The following PCDHA1 variants were observed in gnomAD, a reference collection of about 807,000 sequenced individuals.
The protein encoded by PCDHA1 is protocadherin alpha 1.
In PCDHA1, 42 loss-of-function variants were observed where a neutral mutation model predicts 61.3. The observed-to-expected ratio is 0.69, with a 90% CI of 0.54 to 0.89. PCDHA1 has a LOEUF of 0.89. PCDHA1 is among the 40% of genes least tolerant of loss of function. The pLI is 0.00. For synonymous variants in PCDHA1, 610 were observed against 553.8 expected, an observed-to-expected ratio of 1.10 and a Z score of -1.43; for missense variants, 1,256 against 1,235.3, an observed-to-expected ratio of 1.02 and a Z score of -0.25.
rs868938402 is a variant in PCDHA1, at chr5:140,806,035, G to A, written c.2394+17351G>A. Among the ~76,000 whole-genome samples the A allele has an allele frequency of 7.9e-5, 12 of 152,220 alleles. No individual in the cohort carries two copies. In the South Asian group the frequency reaches 2.5e-3, roughly 32 times the overall value. On this transcript the variant is annotated intron_variant, in intron 1 of 3. Transcript: ENST00000504120. ...AAATGCTTATAAGAGATAAATTAATGTAATAAATGGCCCACGCGATTCCAC... is the reference window on the plus strand; with the variant it reads ...AAATGCTTATAAGAGATAAATTAATATAATAAATGGCCCACGCGATTCCAC...
At position 140,870,837 on chromosome 5, in the gene PCDHA1, G is replaced by T. The variant is rs782610375; in HGVS notation, c.2394+82153G>T. ...GCAGCGCGGGAGGCGCAGTTAACAA[G>T]CTAGTACCGCGGTCGGTGGGTGCGG... On this transcript the variant is annotated intron_variant, in intron 1 of 3. Transcript: ENST00000504120. 5 of 1,613,820 alleles carry T rather than the reference G, an allele frequency of 3.1e-6. No individual in the cohort carries two copies. The South Asian group carries it at 4.4e-5, about 14-fold the overall frequency.
Position 140,848,921 on chromosome 5 carries a change from C to T in PCDHA1, c.2394+60237C>T. ...CAGCGACACAAAAGAATCTGTTCAT[C>T]GCGGAATCCAGGCCGCTTGACTCTC... On this transcript the variant is annotated intron_variant, in intron 1 of 3. Transcript: ENST00000504120. 3.7e-6 allele frequency: 6 copies of T among 1,607,754 alleles called. 1 individual carries two copies. Among genetic ancestry groups the T allele is most frequent in the Non-Finnish European group, 2.5e-6 (3 of 1,176,916 alleles).
intron 1 of PCDHA1, among the ~76,000 whole-genome samples, chr5:140,963,448 A>G (rs567394961): frequency 1.3e-5 from 2 of 152,370 alleles, no homozygotes; most frequent in Non-Finnish European, 2.9e-5. Flanking sequence ...CTCTGTTGCT[A>G]AAGTATTTCT....
At chr5:141,007,395 C>CAAAAAA (rs35800918) in intron 3 of PCDHA1, among the ~76,000 whole-genome samples, 36 of 94,826 alleles carry the variant, frequency 3.8e-4, no homozygotes, top group African/African-American at 6.0e-4. Context: ...TACTAAAATA[C>CAAAAAA]AAAAAAAAAA....
Position 140,850,105 on chromosome 5 carries a change from C to T in PCDHA1, c.2394+61421C>T, listed in dbSNP as rs1554143759. 1.9e-6 allele frequency: 3 copies of T among 1,596,238 alleles called. No homozygotes were observed. In the East Asian group the frequency reaches 6.7e-5, roughly 36 times the overall value. ...GAGCTGCTACAGTTCCAGGTGAGCG[C>T]GCGCGACGCGGGCGTGCCGCCTCTG... On this transcript the variant is annotated intron_variant, in intron 1 of 3. Coordinates refer to ENST00000504120, the MANE Select transcript of PCDHA1 (RefSeq NM_018900.4).
chr5:140,977,122 AG>A (rs2096747423), intron 1 of PCDHA1, among the ~76,000 whole-genome samples: 1 of 152,226 alleles, frequency 6.6e-6, no homozygotes, highest in South Asian at 2.1e-4. Flanking sequence ...TAATGAACTG[AG>A]TTTCCTGGTC....
At chr5:140,808,381 G>A in intron 1 of PCDHA1, 1 of 1,614,168 alleles carries the variant, frequency 6.2e-7, no homozygotes, top group Non-Finnish European at 8.5e-7. Context: ...TCAAGCTGGT[G>A]TCCACCTTCA....
rs1554149409 is a variant in PCDHA1 at position 140,857,004 on chromosome 5, T to G, written c.2394+68320T>G. 3 of 1,595,634 alleles carry G rather than the reference T, an allele frequency of 1.9e-6. No individual in the cohort carries two copies. The South Asian group carries it at 3.3e-5, about 18-fold the overall frequency. ...GACAGTAACACTTATGAAATTCATG[T>G]AGATGTTACAGATAAGGGAAACCCA... On this transcript the variant is annotated intron_variant, in intron 1 of 3. Coordinates refer to ENST00000504120, the MANE Select transcript of PCDHA1 (RefSeq NM_018900.4).
Position 140,850,710 on chromosome 5 carries a change from C to G in PCDHA1, c.2394+62026C>G, listed in dbSNP as rs2150495455. ...CGAGTGCGCGCCTGGCAAGCCGACG[C>G]TGGTGTGTTCTAGCGCGGTGGGGAG... On this transcript the variant is annotated intron_variant, in intron 1 of 3. Coordinates refer to ENST00000504120, the MANE Select transcript of PCDHA1 (RefSeq NM_018900.4). 14 of 1,598,036 alleles carry G rather than the reference C, an allele frequency of 8.8e-6. 1 individual carries two copies. Among genetic ancestry groups the G allele is most frequent in the Non-Finnish European group, 1.2e-5 (14 of 1,167,676 alleles).
rs2150394601 is a variant in PCDHA1 at position 140,846,768 on chromosome 5, A to T, written c.2394+58084A>T. On this transcript the variant is annotated intron_variant, in intron 1 of 3. Coordinates refer to ENST00000504120, the MANE Select transcript of PCDHA1 (RefSeq NM_018900.4). ...TACAGATCTCTAACAGCATATCATC[A>T]TGTCAGGAATTATTACTGAGCCCCA... Among the ~76,000 whole-genome samples, 10 of 149,454 alleles carry T rather than the reference A, an allele frequency of 6.7e-5. 1 individual carries two copies. The highest frequency in any genetic ancestry group is 2.2e-4 in the African/African-American group (9 of 40,730).
intron 1 of PCDHA1, chr5:140,829,132 C>G (rs138194639): frequency 1.2e-6 from 2 of 1,612,864 alleles, no homozygotes; most frequent in African/African-American, 2.7e-5. Context: ...ATGATAACGT[C>G]CCTGAGATAG....
chr5:140,821,982 C>A (rs2150112541), intron 1 of PCDHA1: 12 of 1,614,108 alleles, frequency 7.4e-6, no homozygotes, highest in South Asian at 3.3e-5. Flanking sequence ...CGTCCAAGGG[C>A]CGCGGGGACC....
chr5:140,798,750 TA>T (rs1408551000), intron 1 of PCDHA1, among the ~76,000 whole-genome samples: 3 of 152,224 alleles, frequency 2.0e-5, no homozygotes, highest in African/African-American at 7.2e-5. Context: ...TTATTTTGGG[TA>T]ATTATAACAC....
intron 1 of PCDHA1, chr5:140,870,153 C>G (rs537593818): frequency 6.2e-7 from 1 of 1,614,088 alleles, no homozygotes; most frequent in East Asian, 2.2e-5. Flanking sequence ...CTGAAGTCGC[C>G]GTGACTTCCT....
intron 1 of PCDHA1, chr5:140,830,337 C>G: frequency 6.2e-7 from 1 of 1,614,048 alleles, no homozygotes; most frequent in Non-Finnish European, 8.5e-7. Flanking sequence ...GGGAGCTGGT[C>G]GTACTCGCAG....
intron 1 of PCDHA1, chr5:140,830,622 C>A (rs1390414741): frequency 1.7e-6 from 1 of 582,552 alleles, no homozygotes. Flanking sequence ...TATTGTGTTT[C>A]TTATTTTAAT....
In PCDHA1 at chr5:140,884,465, G is replaced by A. The variant is rs782791774; in HGVS notation, c.2395-94484G>A. 8.1e-6 allele frequency: 13 copies of A among 1,613,634 alleles called. No homozygotes were observed. In the South Asian group the frequency reaches 9.9e-5, roughly 12 times the overall value. ...GGCACCGCCCACCGAGGGCGCGTGCGCGCCGGGCAAGCCCACTCTAGTGTG... is the reference window on the plus strand; with the variant it reads ...GGCACCGCCCACCGAGGGCGCGTGCACGCCGGGCAAGCCCACTCTAGTGTG... On this transcript the variant is annotated intron_variant, in intron 1 of 3. Coordinates refer to ENST00000504120, the MANE Select transcript of PCDHA1 (RefSeq NM_018900.4).
At chr5:140,793,421 T>A (rs373553215) in intron 1 of PCDHA1, among the ~76,000 whole-genome samples, 1 of 152,220 alleles carries the variant, frequency 6.6e-6, no homozygotes, top group East Asian at 1.9e-4. Flanking sequence ...TAAATACACA[T>A]TTCCATAGAT....
chr5:140,802,566 C>G (rs1554122216), intron 1 of PCDHA1: 1 of 1,613,820 alleles, frequency 6.2e-7, no homozygotes, highest in Admixed American at 1.7e-5. Flanking sequence ...GGCATTCTCG[C>G]AGTCCGAGTA....
Sources: allele counts gnomAD v4.1 joint callset (sites outside exome capture counted in the v4.1 genomes callset), GRCh38; gene constraint gnomAD v4.1.1; transcripts MANE v1.5; gene names NCBI Gene and HGNC (gene_info 2026-07-23, HGNC 2026-07-21).